GCNT1: variants seen among roughly 807,000 people sequenced by gnomAD.
GCNT1 encodes beta-1,3-galactosyl-O-glycosyl-glycoprotein beta-1,6-N-acetylglucosaminyltransferase.
Under a neutral mutation model 26.2 loss-of-function variants are expected in GCNT1, and 16 were observed. The observed-to-expected ratio is 0.61, with a 90% CI of 0.41 to 0.93. The LOEUF is 0.93. GCNT1 is among the 40% of genes least tolerant of loss of function. GCNT1 has a pLI of 0.00. For synonymous variants in GCNT1, 183 were observed against 190.8 expected (o/e 0.96, Z 0.34); for missense variants, 477 against 526.7 (o/e 0.91, Z 0.92).
intron 2 of GCNT1, among the ~76,000 whole-genome samples, chr9:76,472,700 C>T (rs950110445): frequency 5.3e-5 from 8 of 151,938 alleles, no homozygotes; most frequent in Non-Finnish European, 1.0e-4. Context: ...AGGAGCCAAA[C>T]CAGCAACAGA....
rs1824159800 is a variant in GCNT1 at position 76,472,722 on chromosome 9, T to TTCTTTTCTTC, written c.-290+12554_-290+12555insCTCTTTTCTT. Among the ~76,000 whole-genome samples, 10 of 63,546 alleles carry TTCTTTTCTTC rather than the reference T, an allele frequency of 1.6e-4. 1 individual carries two copies. The highest frequency in any genetic ancestry group is 1.4e-3 in the Admixed American group (10 of 6,992). 41.7% of individuals were successfully genotyped at this position (63,546 alleles called of 152,430 possible). On this transcript the variant is annotated intron_variant, in intron 2 of 3. Coordinates refer to ENST00000376730, the MANE Select transcript of GCNT1 (RefSeq NM_001490.5). The stretch of plus-strand genomic sequence containing the variant: ...AAACCAGCAACAGAGAATCTTGTCT[T>TTCTTTTCTTC]TCTTTTCTTTTCTTTTCTTTTCTTT...
At chr9:76,500,311 CAGTT>C (rs889247986) in intron 2 of GCNT1, among the ~76,000 whole-genome samples, 14 of 152,184 alleles carry the variant, frequency 9.2e-5, no homozygotes, top group Admixed American at 2.0e-4. Flanking sequence ...AAGTTTCTCT[CAGTT>C]AGTTAGTGGT....
the GCNT1 span, among the ~76,000 whole-genome samples, chr9:76,412,273 CATT>C: frequency 1.3e-5 from 2 of 152,072 alleles, no homozygotes; most frequent in Non-Finnish European, 2.9e-5. Context: ...TACATTTTGC[CATT>C]ATTATTTGAA....
intron 2 of GCNT1, among the ~76,000 whole-genome samples, chr9:76,489,610 T>C (rs1034288961): frequency 1.4e-4 from 21 of 152,318 alleles, no homozygotes; most frequent in African/African-American, 5.1e-4. Context: ...TTTTACAGAA[T>C]GCTGATTGGT....
chr9:76,458,729 G>GTAA (rs1823806575), upstream of GCNT1, among the ~76,000 whole-genome samples: 1 of 152,164 alleles, frequency 6.6e-6, no homozygotes, highest in Admixed American at 6.5e-5. Flanking sequence ...ACACATGAAT[G>GTAA]TAATGAGTTC....
chr9:76,444,787 C>T (rs556513833), intron 1 of GCNT1, among the ~76,000 whole-genome samples: 2 of 152,278 alleles, frequency 1.3e-5, no homozygotes, highest in South Asian at 4.1e-4. Flanking sequence ...TTCTGGAGAC[C>T]TCAGCTCTTA....
chr9:76,435,324 C>A (rs1282089930), intron 1 of GCNT1, among the ~76,000 whole-genome samples: 1 of 152,128 alleles, frequency 6.6e-6, no homozygotes, highest in African/African-American at 2.4e-5. Flanking sequence ...CTCTTTATTT[C>A]TCAGACTGGC....
chr9:76,394,494 G>A, the GCNT1 span: 1 of 253,622 alleles, frequency 3.9e-6, no homozygotes. Flanking sequence ...CGCCGCCGGC[G>A]TGCGCTCCCT....
At chr9:76,469,240 G>A (rs1345497331) in intron 2 of GCNT1, among the ~76,000 whole-genome samples, 9 of 152,200 alleles carry the variant, frequency 5.9e-5, no homozygotes. Context: ...GTGAGAGACA[G>A]GACTAGCTGG....
rs1430060630 is a variant in GCNT1 at position 76,503,341 on chromosome 9, G to A, written c.960G>A (p.Glu320=). 6.2e-7 allele frequency: 1 copy of A among 1,613,936 alleles called. No individual in the cohort carries two copies. The highest frequency in any genetic ancestry group is 1.3e-5 in the African/African-American group (1 of 74,918). ...CACAAGACACATACAGCCCTGATGAGTATCTCTGGGCCACCATCCAAAGGA... is the reference window on the plus strand; with the variant it reads ...CACAAGACACATACAGCCCTGATGAATATCTCTGGGCCACCATCCAAAGGA... The part of the protein sequence containing the change: ...EWAQDTYSPD[E]YLWATIQRIP... Residue 320 remains glutamate, a synonymous_variant, in exon 4 of 4, where the codon GAG becomes GAA. Transcript: ENST00000376730.
At chr9:76,476,924 A>T (rs1824265574) in intron 2 of GCNT1, among the ~76,000 whole-genome samples, 1 of 151,762 alleles carries the variant, frequency 6.6e-6, no homozygotes, top group Non-Finnish European at 1.5e-5. Flanking sequence ...TTATTTATTT[A>T]TTTGTTTAGA....
upstream of GCNT1, among the ~76,000 whole-genome samples, chr9:76,440,845 C>T (rs2131581271): frequency 6.6e-6 from 1 of 151,978 alleles, no homozygotes; most frequent in Non-Finnish European, 1.5e-5. Context: ...GCGGGTGGAT[C>T]ACAAGGTCAG....
intron 2 of GCNT1, among the ~76,000 whole-genome samples, chr9:76,494,589 G>A (rs563061899): frequency 5.9e-5 from 9 of 152,254 alleles, no homozygotes; most frequent in African/African-American, 2.2e-4. Context: ...TTTCTGATTG[G>A]TGAGCCCAGG....
intron 2 of GCNT1, among the ~76,000 whole-genome samples, chr9:76,487,965 C>A (rs1486758184): frequency 6.6e-6 from 1 of 152,188 alleles, no homozygotes; most frequent in Admixed American, 6.5e-5. Context: ...AACTCCTAGG[C>A]TCAGGCGATC....
At chr9:76,452,810 C>T (rs952978682) in intron 1 of GCNT1, among the ~76,000 whole-genome samples, 5 of 152,144 alleles carry the variant, frequency 3.3e-5, no homozygotes, top group African/African-American at 1.2e-4. Context: ...ATATCACCCC[C>T]GAAGTGGGAA....
chr9:76,489,416 G>C (rs1824668116), intron 2 of GCNT1, among the ~76,000 whole-genome samples: 1 of 152,152 alleles, frequency 6.6e-6, no homozygotes. Flanking sequence ...GCAGCAGCAA[G>C]ATTTATTGTG....
chr9:76,471,465 C>T (rs1824130343), intron 2 of GCNT1, among the ~76,000 whole-genome samples: 2 of 152,164 alleles, frequency 1.3e-5, no homozygotes, highest in South Asian at 4.1e-4. Context: ...TTCCACAAAC[C>T]CCAGGGTATA....
intron 1 of GCNT1, among the ~76,000 whole-genome samples, chr9:76,449,155 T>C (rs1025028532): frequency 2.0e-5 from 3 of 151,988 alleles, no homozygotes; most frequent in Non-Finnish European, 4.4e-5. Context: ...AGCAAGACCC[T>C]GTCTCTACCA....
intron 1 of GCNT1, among the ~76,000 whole-genome samples, chr9:76,420,895 C>T (rs971085132): frequency 6.8e-6 from 1 of 146,352 alleles, no homozygotes; most frequent in African/African-American, 2.5e-5. Context: ...GCTAAAATCA[C>T]ACCACTGCAC....
Sources: gnomAD v4.1 joint callset for allele counts (sites outside exome capture counted in the v4.1 genomes callset) on GRCh38, gnomAD v4.1.1 for gene constraint, MANE v1.5 for transcripts, NCBI Gene and HGNC (gene_info 2026-07-23, HGNC 2026-07-21) for gene names.